The following XPO4 variants were observed in gnomAD, a reference collection of about 807,000 sequenced individuals.
XPO4 encodes exportin-4.
XPO4 carries 39 observed loss-of-function variants against 143.0 expected under a neutral mutation model. The ratio of observed to expected loss-of-function variants is 0.27; its 90% CI spans 0.21 to 0.36. The LOEUF is 0.36. Ranked by LOEUF, XPO4 falls within the 10% of genes least tolerant of loss-of-function variation. The pLI is 1.00. For missense variants in XPO4, 907 were observed against 1,348.0 expected, an observed-to-expected ratio of 0.67 and a Z score of 5.12; for synonymous variants, 439 against 474.0, an observed-to-expected ratio of 0.93 and a Z score of 0.96.
chr13:20,779,482 A>C lies in XPO4; in HGVS notation c.*4240T>G, dbSNP rs2059116327. ...AATGCAGACGGGGAGAAAAAAAACCAAAACCAAAAAAAAAGACACCTCTCC... is the reference window on the plus strand; with the variant it reads ...AATGCAGACGGGGAGAAAAAAAACCCAAACCAAAAAAAAAGACACCTCTCC... On this transcript the variant is annotated 3_prime_UTR_variant, in exon 23 of 23. Coordinates refer to ENST00000255305, the MANE Select transcript of XPO4 (RefSeq NM_022459.5). 1 of 152,078 alleles carries C rather than the reference A, an allele frequency of 6.6e-6. No homozygotes were observed. The highest frequency in any genetic ancestry group is 6.6e-5 in the Admixed American group (1 of 15,228). The allele number at this position is 152,078 out of a possible 1,614,324, so 9.4% of individuals were successfully genotyped here.
intron 1 of XPO4, among the ~76,000 whole-genome samples, chr13:20,891,059 G>A (rs2060510395): frequency 7.0e-6 from 1 of 143,526 alleles, no homozygotes. Context: ...GGAGGTTGCT[G>A]TAAGCCAAGA....
chr13:20,821,657 A>C, intron 9 of XPO4, 47 bp downstream of exon 9: 9 of 1,562,056 alleles, frequency 5.8e-6, no homozygotes, highest in Non-Finnish European at 6.9e-6. Context: ...GGCACCGCAA[A>C]TTTCCTTGTG....
Position 20,809,863 on chromosome 13 carries a change from G to C in XPO4, c.1278C>G (p.Thr426=). ...DDKHFHKGFF[T]QHAVQVFNSY... is the part of the protein sequence containing the mutation. Reference sequence around the variant, plus strand: ...AATTGAAAACTTGAACTGCATGTTGGGTAAAAAAGCCTTTATGGAAATGTT... The same window carrying C: ...AATTGAAAACTTGAACTGCATGTTGCGTAAAAAAGCCTTTATGGAAATGTT... The change falls in exon 10 of 23, where the codon ACC becomes ACG. Residue 426 remains threonine (T), a synonymous_variant. Transcript: ENST00000255305. The C allele has an allele frequency of 6.2e-7, 1 of 1,613,682 alleles. No homozygotes were observed. Among genetic ancestry groups the C allele is most frequent in the Non-Finnish European group, 8.5e-7 (1 of 1,179,796 alleles).
chr13:20,837,056 T>C (rs2059924366), intron 6 of XPO4, among the ~76,000 whole-genome samples: 1 of 152,214 alleles, frequency 6.6e-6, no homozygotes, highest in Non-Finnish European at 1.5e-5. Context: ...ACATTTTATT[T>C]ATCCATTCAT....
rs575981599 is a variant in XPO4 at position 20,895,909 on chromosome 13, C to T, written c.69+6761G>A. Among the ~76,000 whole-genome samples the T allele has an allele frequency of 2.6e-5, 4 of 152,208 alleles. No individual in the cohort carries two copies. In the East Asian group the frequency reaches 5.8e-4, roughly 22 times the overall value. ...TCAATTTGGTGTAACTGGACATTTA[C>T]GTTGTTTCAATCTTCACTACAGCAA... On this transcript the variant is annotated intron_variant, in intron 1 of 22. Transcript: ENST00000255305.
chr13:20,784,020 A>G, intron 22 of XPO4, 101 bp from the exon 23 acceptor site: 1 of 1,129,660 alleles, frequency 8.9e-7, no homozygotes, highest in South Asian at 1.3e-5. Flanking sequence ...GCAGGGACAC[A>G]TTTTTAAGAG....
rs982658992 is a variant in XPO4 at position 20,780,451 on chromosome 13, A to C, written c.*3271T>G. ...AAACATGGTGATATTACAACTATAA[A>C]GACTTGACATTTTTGTTAAAAGAGA... is the stretch of plus-strand genomic sequence containing the variant. On this transcript the variant is annotated 3_prime_UTR_variant, in exon 23 of 23. Coordinates refer to ENST00000255305, the MANE Select transcript of XPO4 (RefSeq NM_022459.5). The C allele has an allele frequency of 6.6e-5, 10 of 152,194 alleles. No individual in the cohort carries two copies. Among genetic ancestry groups the C allele is most frequent in the African/African-American group, 2.4e-4 (10 of 41,458 alleles). 9.4% of individuals were successfully genotyped at this position (152,194 alleles called of 1,614,324 possible).
chr13:20,839,243 AAC>A (rs1320608992), intron 6 of XPO4, among the ~76,000 whole-genome samples: 2 of 152,178 alleles, frequency 1.3e-5, no homozygotes, highest in Non-Finnish European at 2.9e-5. Flanking sequence ...CACCTTGGGA[AAC>A]AGAGTGAAAC....
At chr13:20,837,508 C>T (rs2059930067) in intron 6 of XPO4, among the ~76,000 whole-genome samples, 1 of 152,106 alleles carries the variant, frequency 6.6e-6, no homozygotes, top group African/African-American at 2.4e-5. Context: ...CGGGTTCAAG[C>T]ACTTCTCCTG....
At chr13:20,881,610 T>C (rs1049263348) in intron 1 of XPO4, among the ~76,000 whole-genome samples, 1 of 152,086 alleles carries the variant, frequency 6.6e-6, no homozygotes, top group Non-Finnish European at 1.5e-5. Context: ...AGAAAACTTT[T>C]ATGAGCAATA....
intron 1 of XPO4, among the ~76,000 whole-genome samples, chr13:20,884,050 G>A (rs9579962): frequency 0.09 from 13,728 of 152,260 alleles, 814 homozygotes; most frequent in Non-Finnish European, 0.13. Flanking sequence ...ACAGGCATGA[G>A]CCACCACACC....
rs370996296 is a variant in XPO4 at position 20,833,151 on chromosome 13, A to T, written c.728-5972T>A. On this transcript the variant is annotated intron_variant, in intron 6 of 22. Transcript: ENST00000255305. ...CGAACTATATTTATAGTGAACAAAC[A>T]TCCGAAAACTGAGCTAATACTTCTG... Among the ~76,000 whole-genome samples the T allele has an allele frequency of 2.0e-5, 3 of 152,282 alleles. No individual in the cohort carries two copies. In the South Asian group the frequency reaches 6.2e-4, roughly 32 times the overall value.
At chr13:20,843,662 A>G (rs2138062773) in intron 5 of XPO4, 108 bp downstream of exon 5, 1 of 753,668 alleles carries the variant, frequency 1.3e-6, no homozygotes, top group Middle Eastern at 3.8e-4. Context: ...CCTGAAGTAC[A>G]GGCTACCATT....
chr13:20,866,948 A>C (rs1363662904), intron 2 of XPO4, among the ~76,000 whole-genome samples: 1 of 152,218 alleles, frequency 6.6e-6, no homozygotes, highest in African/African-American at 2.4e-5. Flanking sequence ...ATGGAATCCT[A>C]GTCAATGTCG....
chr13:20,902,027 T>C (rs2060624705), intron 1 of XPO4: 1 of 950,674 alleles, frequency 1.1e-6, no homozygotes, highest in Non-Finnish European at 1.3e-6. Context: ...AGTCAAAGAG[T>C]AGCATAGACT....
At position 20,846,830 on chromosome 13, in the gene XPO4, C is replaced by T. The variant is rs536659452; in HGVS notation, c.457-2944G>A. On this transcript the variant is annotated intron_variant, in intron 4 of 22. Coordinates refer to ENST00000255305, the MANE Select transcript of XPO4 (RefSeq NM_022459.5). ...AATATAGTTTTACATTCTACTTTTC[C>T]ACTTTATACCTATGAAATAAAAAGA... 4.5e-4 allele frequency among the ~76,000 whole-genome samples: 69 copies of T among 151,968 alleles called. 1 individual carries two copies. The South Asian group carries it at 0.014, about 32-fold the overall frequency.
rs2059151417 is a variant in XPO4 at position 20,782,262 on chromosome 13, T to C, written c.*1460A>G. 1 of 152,222 alleles carries C rather than the reference T, an allele frequency of 6.6e-6. No homozygotes were observed. 9.4% of individuals were successfully genotyped at this position (152,222 alleles called of 1,614,324 possible). A position where few individuals can be genotyped will look rare whatever the true frequency, so the allele number is the denominator to read the frequency against. On this transcript the variant is annotated 3_prime_UTR_variant, in exon 23 of 23. Transcript: ENST00000255305. ...GTTTAATAGATAGGTGTCAGGAACA[T>C]GGTGGAAGCAGAGTTTCATGAGTGC...
At chr13:20,847,737 T>G (rs542392901) in intron 4 of XPO4, among the ~76,000 whole-genome samples, 3 of 152,254 alleles carry the variant, frequency 2.0e-5, no homozygotes, top group South Asian at 2.1e-4. Context: ...TTAATGTCAG[T>G]GAATTCGGAT....
chr13:20,867,172 G>A (rs1421515979), intron 2 of XPO4, among the ~76,000 whole-genome samples: 1 of 152,048 alleles, frequency 6.6e-6, no homozygotes, highest in Non-Finnish European at 1.5e-5. Context: ...TGCCAGAAAC[G>A]AATCCACACA....
Sources: gnomAD v4.1 joint callset for allele counts (sites outside exome capture counted in the v4.1 genomes callset) on GRCh38, gnomAD v4.1.1 for gene constraint, MANE v1.5 for transcripts, NCBI Gene and HGNC (gene_info 2026-07-23, HGNC 2026-07-21) for gene names.